The following ARK2C variants were observed in gnomAD, a reference collection of about 807,000 sequenced individuals.
The protein encoded by ARK2C is arkadia (RNF111) C-terminal like ring finger ubiquitin ligase 2C, also known as E3 ubiquitin-protein ligase ARK2C.
the ARK2C span, among the ~76,000 whole-genome samples, chr18:46,367,547 TG>T: frequency 6.6e-6 from 1 of 152,202 alleles, no homozygotes; most frequent in East Asian, 1.9e-4. Context: ...GTGGGTCTAT[TG>T]GACCCATTGC....
At chr18:46,406,415 G>A in the ARK2C span, among the ~76,000 whole-genome samples, 1 of 152,222 alleles carries the variant, frequency 6.6e-6, no homozygotes, top group African/African-American at 2.4e-5. Context: ...CAGCCTCTGA[G>A]GACTGGAAGC....
chr18:46,364,910 C>T, the ARK2C span, among the ~76,000 whole-genome samples: 1 of 152,194 alleles, frequency 6.6e-6, no homozygotes, highest in African/African-American at 2.4e-5. Context: ...GGGTAGAAAA[C>T]AGCCCTGACC....
the ARK2C span, among the ~76,000 whole-genome samples, chr18:46,440,042 A>G: frequency 6.6e-6 from 1 of 152,060 alleles, no homozygotes; most frequent in African/African-American, 2.4e-5. Flanking sequence ...GTTGGCCAGG[A>G]TGGTCTCGAT....
the ARK2C span, among the ~76,000 whole-genome samples, chr18:46,439,934 G>A: frequency 2.6e-5 from 4 of 152,140 alleles, no homozygotes; most frequent in South Asian, 2.1e-4. Context: ...AGGTTCAAGC[G>A]ATTCTCCTGC....
At chr18:46,420,797 A>G in the ARK2C span, among the ~76,000 whole-genome samples, 1 of 152,002 alleles carries the variant, frequency 6.6e-6, no homozygotes, top group African/African-American at 2.4e-5. Flanking sequence ...GTGAGCCTAG[A>G]TCGCATCATT....
At chr18:46,405,679 C>T in the ARK2C span, among the ~76,000 whole-genome samples, 3 of 151,994 alleles carry the variant, frequency 2.0e-5, no homozygotes, top group South Asian at 2.1e-4. Context: ...GAGCAGGGCC[C>T]GGTAAATGGA....
the ARK2C span, among the ~76,000 whole-genome samples, chr18:46,391,511 G>T: frequency 6.6e-6 from 1 of 152,116 alleles, no homozygotes; most frequent in African/African-American, 2.4e-5. Flanking sequence ...AACACACTCT[G>T]TGTAGCCCCA....
At chr18:46,392,420 G>T in the ARK2C span, among the ~76,000 whole-genome samples, 1 of 152,242 alleles carries the variant, frequency 6.6e-6, no homozygotes, top group African/African-American at 2.4e-5. Context: ...GGCCCTCAGG[G>T]CCCTCTTTTG....
At chr18:46,428,137 G>A in the ARK2C span, among the ~76,000 whole-genome samples, 5 of 151,778 alleles carry the variant, frequency 3.3e-5, no homozygotes, top group East Asian at 1.9e-4. Flanking sequence ...GAGGCCGGGC[G>A]CAGTGGCTCA....
the ARK2C span, chr18:46,447,430 G>A: frequency 1.1e-6 from 1 of 897,466 alleles, no homozygotes; most frequent in Non-Finnish European, 1.8e-6. Context: ...GAAAGGCTGG[G>A]AGATGTAAAG....
At chr18:46,460,596 G>A in the ARK2C span, 2,962 of 152,214 alleles carry the variant, frequency 0.019, 176 homozygotes, top group East Asian at 0.2. Flanking sequence ...TCATTTTGGC[G>A]TTGTTTCTGG....
At chr18:46,434,373 A>G in the ARK2C span, among the ~76,000 whole-genome samples, 37 of 152,360 alleles carry the variant, frequency 2.4e-4, no homozygotes, top group South Asian at 7.5e-3. Flanking sequence ...AACACCAATA[A>G]TATATTTTTA....
At chr18:46,418,228 A>G in the ARK2C span, among the ~76,000 whole-genome samples, 1 of 151,938 alleles carries the variant, frequency 6.6e-6, no homozygotes, top group Non-Finnish European at 1.5e-5. Flanking sequence ...GTGGTCGCAC[A>G]TGCCCATAGT....
the ARK2C span, among the ~76,000 whole-genome samples, chr18:46,409,322 G>A: frequency 2.6e-5 from 4 of 152,136 alleles, no homozygotes; most frequent in South Asian, 4.1e-4. Flanking sequence ...AAACAAGTCC[G>A]GTGAGATTGA....
chr18:46,357,979 T>C, the ARK2C span, among the ~76,000 whole-genome samples: 9 of 152,320 alleles, frequency 5.9e-5, no homozygotes, highest in South Asian at 2.1e-4. Context: ...CCGCCTCTGT[T>C]GTCACAGTGT....
At chr18:46,450,325 C>T in the ARK2C span, 1 of 1,614,060 alleles carries the variant, frequency 6.2e-7, no homozygotes, top group African/African-American at 1.3e-5. Context: ...ACTACCCTTA[C>T]CCTCAGCTTC....
chr18:46,432,518 A>C, the ARK2C span, among the ~76,000 whole-genome samples: 1 of 152,182 alleles, frequency 6.6e-6, no homozygotes, highest in Non-Finnish European at 1.5e-5. Context: ...GGCTGGACTA[A>C]CTTTTCTCCA....
chr18:46,360,775 G>A, the ARK2C span, among the ~76,000 whole-genome samples: 15 of 152,210 alleles, frequency 9.9e-5, no homozygotes, highest in Non-Finnish European at 2.2e-4. Context: ...CACGAGGCGG[G>A]TATGTGGAAT....
At chr18:46,433,193 C>A in the ARK2C span, 2 of 1,573,486 alleles carry the variant, frequency 1.3e-6, no homozygotes, top group Non-Finnish European at 1.7e-6. Flanking sequence ...CTTCCAGGTG[C>A]CCCCTTTCAA....
Sources: allele counts gnomAD v4.1 joint callset (sites outside exome capture counted in the v4.1 genomes callset), GRCh38; gene constraint gnomAD v4.1.1; transcripts MANE v1.5; gene names NCBI Gene and HGNC (gene_info 2026-07-23, HGNC 2026-07-21).